FAM222A: variants seen among roughly 807,000 people sequenced by gnomAD.
The protein encoded by FAM222A is protein FAM222A.
FAM222A carries 7 observed loss-of-function variants against 25.8 expected under a neutral mutation model. The observed-to-expected ratio is 0.27, with a 90% CI of 0.15 to 0.51. The LOEUF is 0.51. Among genes scored for constraint, FAM222A ranks in the 20% least tolerant of loss-of-function variants. FAM222A has a pLI of 0.97. For synonymous variants in FAM222A, 294 were observed against 298.8 expected, an observed-to-expected ratio of 0.98 and a Z score of 0.17; for missense variants, 573 against 640.5, an observed-to-expected ratio of 0.89 and a Z score of 1.14.
intron 1 of FAM222A, among the ~76,000 whole-genome samples, chr12:109,718,919 A>G (rs1887699065): frequency 6.6e-6 from 1 of 152,190 alleles, no homozygotes; most frequent in South Asian, 2.1e-4. Context: ...TGGACCCCTG[A>G]TTGCTTAGTT....
At chr12:109,750,187 C>A (rs11068110) in intron 2 of FAM222A, among the ~76,000 whole-genome samples, 16,914 of 152,176 alleles carry the variant, frequency 0.11, 1,337 homozygotes, top group East Asian at 0.31. Context: ...TGGCCTTGTT[C>A]TAATGGTATA....
At chr12:109,755,638 TTTGAG>T (rs1158222203) in intron 2 of FAM222A, among the ~76,000 whole-genome samples, 1 of 152,182 alleles carries the variant, frequency 6.6e-6, no homozygotes, top group African/African-American at 2.4e-5. Flanking sequence ...TGTAATTCAT[TTTGAG>T]TTAAGTTTTG....
rs1887581151 is a variant in FAM222A at position 109,713,868 on chromosome 12, T to TGCTCCGCGGAGAGGCTGCGCGCGCCGGCC, written c.-1074_-1046dup. On this transcript the variant is annotated 5_prime_UTR_variant, in exon 1 of 3. Transcript: ENST00000538780. ...CAGCGGGCAGGACTGCCTGGCCGGC[T>TGCTCCGCGGAGAGGCTGCGCGCGCCGGCC]GCTCCGCGGAGAGGCTGCGCGCGCC... Among the ~76,000 whole-genome samples the TGCTCCGCGGAGAGGCTGCGCGCGCCGGCC allele has an allele frequency of 6.7e-6, 1 of 148,644 alleles. No individual in the cohort carries two copies. The highest frequency in any genetic ancestry group is 1.5e-5 in the Non-Finnish European group (1 of 66,720).
At chr12:109,740,409 T>A (rs141690609) in intron 1 of FAM222A, among the ~76,000 whole-genome samples, 40 of 152,280 alleles carry the variant, frequency 2.6e-4, no homozygotes, top group Middle Eastern at 3.4e-3. Flanking sequence ...CAAAAGACCT[T>A]GAGCTTATAA....
intron 1 of FAM222A, chr12:109,720,024 A>G (rs1887719092): frequency 1.1e-6 from 1 of 914,264 alleles, no homozygotes; most frequent in Admixed American, 6.2e-5. Flanking sequence ...GAGAGTCTCA[A>G]CAGCTTTCTC....
intron 1 of FAM222A, among the ~76,000 whole-genome samples, chr12:109,732,038 G>C (rs966963173): frequency 2.6e-5 from 4 of 152,150 alleles, no homozygotes; most frequent in Non-Finnish European, 4.4e-5. Flanking sequence ...ACCTTCTCAC[G>C]CAGGGCTGTA....
chr12:109,759,643 G>A (rs141074062), intron 2 of FAM222A, among the ~76,000 whole-genome samples: 5 of 152,296 alleles, frequency 3.3e-5, no homozygotes, highest in East Asian at 1.9e-4. Context: ...TAAATTTCCC[G>A]ACAAGTCTTT....
intron 1 of FAM222A, among the ~76,000 whole-genome samples, chr12:109,739,240 A>G (rs561338348): frequency 1.1e-3 from 165 of 152,372 alleles, no homozygotes; most frequent in African/African-American, 3.9e-3. Flanking sequence ...GGCAAGGGGC[A>G]GACTGCTGAC....
chr12:109,749,750 C>T (rs984120460), intron 2 of FAM222A, among the ~76,000 whole-genome samples: 4 of 152,116 alleles, frequency 2.6e-5, no homozygotes, highest in Admixed American at 6.6e-5. Context: ...AATGGTGATG[C>T]AATGTTATTT....
intron 2 of FAM222A, among the ~76,000 whole-genome samples, chr12:109,749,415 A>C (rs973189594): frequency 5.3e-5 from 8 of 152,128 alleles, no homozygotes; most frequent in Admixed American, 5.2e-4. Flanking sequence ...CTTGTGTTTT[A>C]CTTCTAGGGT....
intron 1 of FAM222A, among the ~76,000 whole-genome samples, chr12:109,719,213 A>C (rs1412151163): frequency 6.6e-6 from 1 of 152,236 alleles, no homozygotes; most frequent in African/African-American, 2.4e-5. Context: ...AGTTTACGTC[A>C]TAACCCTAAG....
chr12:109,768,488 CG>C lies in FAM222A; in HGVS notation c.563del (p.Gly188AlafsTer80). The C allele has an allele frequency of 6.2e-7, 1 of 1,604,392 alleles. No homozygotes were observed. On this transcript the variant is annotated frameshift_variant, in exon 3 of 3. Coordinates refer to ENST00000538780, the MANE Select transcript of FAM222A (RefSeq NM_032829.3). LOFTEE classifies it high-confidence loss of function. ...CGCCTCCGTCATCCCCCTGCCGGGC[CG>C]GGGCCTGCCCCTGCCACCTTCCAAC... is the stretch of plus-strand genomic sequence containing the variant. Reference protein sequence around the residue: ...TAASVIPLPGRGLPLPPSNLP... With the variant: ...TAASVIPLPGXGLPLPPSNLP...
intron 1 of FAM222A, among the ~76,000 whole-genome samples, chr12:109,731,807 GAA>G: frequency 6.6e-6 from 1 of 152,298 alleles, no homozygotes; most frequent in Admixed American, 6.5e-5. Context: ...AAACTACAGT[GAA>G]AAGAGCGGGG....
chr12:109,745,476 C>T (rs888499626), intron 2 of FAM222A, among the ~76,000 whole-genome samples: 15 of 152,136 alleles, frequency 9.9e-5, no homozygotes, highest in African/African-American at 1.4e-4. Context: ...GTGGAAATAC[C>T]GGGTCAAACG....
intron 2 of FAM222A, among the ~76,000 whole-genome samples, chr12:109,753,064 T>C (rs1302273861): frequency 6.6e-6 from 1 of 152,208 alleles, no homozygotes; most frequent in Admixed American, 6.5e-5. Flanking sequence ...AATATTTGAC[T>C]TTCCCATTAT....
chr12:109,743,462 G>A (rs904374958), intron 1 of FAM222A, among the ~76,000 whole-genome samples: 7 of 152,216 alleles, frequency 4.6e-5, no homozygotes, highest in African/African-American at 7.2e-5. Flanking sequence ...CTCAGGCAGC[G>A]ACAGGGATCT....
intron 1 of FAM222A, among the ~76,000 whole-genome samples, chr12:109,718,328 C>T (rs1887683849): frequency 6.8e-6 from 1 of 146,252 alleles, no homozygotes. Context: ...TGGTGAGCAC[C>T]GGTGGCTCTT....
chr12:109,739,335 T>C (rs1345227088), intron 1 of FAM222A, among the ~76,000 whole-genome samples: 1 of 152,232 alleles, frequency 6.6e-6, no homozygotes, highest in African/African-American at 2.4e-5. Flanking sequence ...TTCATTTTTA[T>C]TGGGAGGTCA....
chr12:109,729,013 G>C (rs1287462908), intron 1 of FAM222A, among the ~76,000 whole-genome samples: 1 of 150,812 alleles, frequency 6.6e-6, no homozygotes, highest in South Asian at 2.1e-4. Flanking sequence ...GTACTGACAG[G>C]TCACATGGCT....
Sources: gnomAD v4.1 joint callset for allele counts (sites outside exome capture counted in the v4.1 genomes callset) on GRCh38, gnomAD v4.1.1 for gene constraint, MANE v1.5 for transcripts, NCBI Gene and HGNC (gene_info 2026-07-23, HGNC 2026-07-21) for gene names.